IKBKE: variants seen among roughly 807,000 people sequenced by gnomAD.
IKBKE encodes the protein inhibitor of nuclear factor kappa B kinase subunit epsilon.
IKBKE carries 45 observed loss-of-function variants against 92.1 expected under a neutral mutation model. The observed-to-expected ratio is 0.49, with a 90% CI of 0.38 to 0.63. The LOEUF (loss-of-function observed/expected upper bound fraction) is 0.63, where lower values mean the gene tolerates loss of function less well. Ranked by LOEUF, IKBKE falls within the 20% of genes least tolerant of loss-of-function variation. The pLI, the probability that IKBKE is intolerant of heterozygous loss-of-function variation, is 0.00. For synonymous variants in IKBKE, 374 were observed against 380.3 expected, an observed-to-expected ratio of 0.98 and a Z score of 0.19; for missense variants, 700 against 932.8, an observed-to-expected ratio of 0.75 and a Z score of 3.25.
In IKBKE at chr1:206,473,203, G is replaced by T. The variant is rs781879352; in HGVS notation, c.-25G>T. 8 of 1,590,660 alleles carry T rather than the reference G, an allele frequency of 5.0e-6. No individual in the cohort carries two copies. The Admixed American group carries it at 8.5e-5, about 17-fold the overall frequency. On this transcript the variant is annotated 5_prime_UTR_variant, in exon 3 of 22. Transcript: ENST00000581977. ...AGCATGCTCTTTCTCTAGGCAGAAG[G>T]TGACCAGCCAGCTCAGGGCAGGAGA...
At chr1:206,492,938 T>G in intron 18 of IKBKE, 85 bp from the exon 19 acceptor site, 4 of 1,155,584 alleles carry the variant, frequency 3.5e-6, no homozygotes, top group Non-Finnish European at 5.1e-6. Flanking sequence ...CCTGTGTCCA[T>G]GTGTGGATCC....
Position 206,485,229 on chromosome 1 carries a change from C to T in IKBKE, c.1539C>T (p.Ile513=), listed in dbSNP as rs2103472359. The T allele has an allele frequency of 6.2e-7, 1 of 1,613,940 alleles. No individual in the cohort carries two copies. The highest frequency in any genetic ancestry group is 1.1e-5 in the South Asian group (1 of 91,072). The change falls in exon 15 of 22, where the codon ATC becomes ATT. Residue 513 remains isoleucine (I), a synonymous_variant. Coordinates refer to ENST00000581977, the MANE Select transcript of IKBKE (RefSeq NM_014002.4). The surrounding 1 kb of genome is among the most constrained non-coding windows in gnomAD (Gnocchi z 5.0). The part of the protein sequence containing the change: ...AEVLSRCSQN[I]TETQESLSSL... Reference sequence around the variant, plus strand: ...TCCTCTCCAGATGCTCCCAAAATATCACGGAGACCCAGGAGAGCCTGAGCA... The same window carrying T: ...TCCTCTCCAGATGCTCCCAAAATATTACGGAGACCCAGGAGAGCCTGAGCA...
chr1:206,492,546 T>C (rs782668998), intron 18 of IKBKE: 2 of 471,462 alleles, frequency 4.2e-6, no homozygotes, highest in African/African-American at 4.0e-5. Flanking sequence ...GTGATTCTAA[T>C]GTGTGGCGAG....
chr1:206,484,964 C>T, intron 13 of IKBKE, 33 bp from the exon 14 acceptor site: 6 of 1,589,792 alleles, frequency 3.8e-6, no homozygotes, highest in Non-Finnish European at 5.2e-6. Flanking sequence ...TCCTAAGCCC[C>T]CAAATGTGGC....
Position 206,480,445 on chromosome 1 carries a change from A to G in IKBKE, c.1341-2A>G. ...GCTCTGACTCAGTCTCCCCTTGGAC[A>G]GGGAGGTGCTCCAGGCCACATGCAG... On this transcript the variant is annotated splice_acceptor_variant, in intron 12 of 21. Coordinates refer to ENST00000581977, the MANE Select transcript of IKBKE (RefSeq NM_014002.4). LOFTEE classifies it high-confidence loss of function. The G allele has an allele frequency of 6.2e-7, 1 of 1,612,810 alleles. No homozygotes were observed. The highest frequency in any genetic ancestry group is 8.5e-7 in the Non-Finnish European group (1 of 1,178,998).
chr1:206,474,505 T>C (rs782205856), intron 4 of IKBKE, 34 bp downstream of exon 4: 2 of 1,588,256 alleles, frequency 1.3e-6, no homozygotes. Context: ...AATGGTCTTG[T>C]CCTTGACCCT....
At chr1:206,494,567 T>C (rs1666121689) in intron 21 of IKBKE, among the ~76,000 whole-genome samples, 1 of 151,230 alleles carries the variant, frequency 6.6e-6, no homozygotes, top group Admixed American at 6.6e-5. Flanking sequence ...GAGATTGAGA[T>C]TTTGCATACC....
chr1:206,493,307 A>T lies in IKBKE; in HGVS notation c.1974A>T (p.Ala658=). The change falls in exon 20 of 22, where the codon GCA becomes GCT. Residue 658 remains alanine, a synonymous_variant. Transcript: ENST00000581977. ...ELSHQLLQDR[A]KGAQASPPPI... ...CTCACCAGCTCCTTCAGGACCGAGC[A>T]AAGGGGGCTCAGGCCTCGCCGCCTC... 6.2e-7 allele frequency: 1 copy of T among 1,614,130 alleles called. No individual in the cohort carries two copies. The highest frequency in any genetic ancestry group is 1.1e-5 in the South Asian group (1 of 91,088).
chr1:206,490,693 C>T lies in IKBKE; in HGVS notation c.1694-126C>T, dbSNP rs1235484054. 9.8e-6 allele frequency: 9 copies of T among 916,448 alleles called. No homozygotes were observed. The highest frequency in any genetic ancestry group is 5.5e-5 in the Admixed American group (3 of 54,200). The allele number at this position is 916,448 out of a possible 1,614,324, so 56.8% of individuals were successfully genotyped here. A position where few individuals can be genotyped will look rare whatever the true frequency, so the allele number is the denominator to read the frequency against. On this transcript the variant is annotated intron_variant, in intron 16 of 21. Transcript: ENST00000581977. The surrounding 1 kb of genome is among the most constrained non-coding windows in gnomAD (Gnocchi z 5.2). ...CCTCTGCCCCTCCTGCTCCGCTGGG[C>T]GGTGAGTTCCCGTGAAGCAGCACAG...
chr1:206,487,841 C>A lies in IKBKE; in HGVS notation c.1617-73C>A. ...GGCTCCTCCCCTATTCCACTGCCAC[C>A]CTTCCCCTCCCTCCCTCTTTCCTCT... On this transcript the variant is annotated intron_variant, in intron 15 of 21. Transcript: ENST00000581977. This position sits in a 1 kb window ranked among gnomAD's most constrained non-coding sequence, Gnocchi z 5.3. 8.0e-7 allele frequency: 1 copy of A among 1,252,580 alleles called. No individual in the cohort carries two copies. The highest frequency in any genetic ancestry group is 1.1e-6 in the Non-Finnish European group (1 of 870,054). 77.6% of individuals were successfully genotyped at this position (1,252,580 alleles called of 1,614,324 possible).
chr1:206,491,889 C>A, intron 18 of IKBKE, 140 bp downstream of exon 18: 1 of 611,266 alleles, frequency 1.6e-6, no homozygotes, highest in Non-Finnish European at 2.9e-6. Flanking sequence ...GTTTTCTGTC[C>A]CTGGGTGGAC....
chr1:206,481,672 C>T (rs1282398319), intron 13 of IKBKE, among the ~76,000 whole-genome samples: 1 of 151,756 alleles, frequency 6.6e-6, no homozygotes, highest in African/African-American at 2.4e-5. Context: ...AGCAGCTAGC[C>T]CTTCCTGGAC....
Position 206,496,438 on chromosome 1 carries a change from GC to G in IKBKE, c.*296del. 2.2e-6 allele frequency: 1 copy of G among 447,454 alleles called. No individual in the cohort carries two copies. Among genetic ancestry groups the G allele is most frequent in the South Asian group, 3.2e-5 (1 of 31,230 alleles). The allele number at this position is 447,454 out of a possible 1,614,324, so 27.7% of individuals were successfully genotyped here. On this transcript the variant is annotated 3_prime_UTR_variant, in exon 22 of 22. Transcript: ENST00000581977. Reference sequence around the variant, plus strand: ...CTAGGCTCAGGTACTGCTCCTCCATGCCCATGGCTGGGCCGTGGGGAGAAGA... The same window carrying G: ...CTAGGCTCAGGTACTGCTCCTCCATGCCATGGCTGGGCCGTGGGGAGAAGA...
rs1665163901 is a variant in IKBKE, at chr1:206,478,004, G to C, written c.812+145G>C. 1 of 873,792 alleles carries C rather than the reference G, an allele frequency of 1.1e-6. No individual in the cohort carries two copies. Among genetic ancestry groups the C allele is most frequent in the African/African-American group, 1.7e-5 (1 of 59,716 alleles). The allele number at this position is 873,792 out of a possible 1,614,324, so 54.1% of individuals were successfully genotyped here. A position where few individuals can be genotyped will look rare whatever the true frequency, so the allele number is the denominator to read the frequency against. On this transcript the variant is annotated intron_variant, in intron 8 of 21. Transcript: ENST00000581977. This position sits in a 1 kb window ranked among gnomAD's most constrained non-coding sequence, Gnocchi z 4.8. ...ACACCACTTTCCCATCTGGTTGCTG[G>C]AACGAGTTCTTCCAGCTCTTCCTCC...
Position 206,474,975 on chromosome 1 carries a change from G to C in IKBKE, c.339G>C (p.Leu113=). The change falls in exon 5 of 22, where the codon CTG becomes CTC. Residue 113 remains leucine (L), a synonymous_variant. Coordinates refer to ENST00000581977, the MANE Select transcript of IKBKE (RefSeq NM_014002.4). ...TTGGGCTGCCTGAGGATGAGTTCCT[G>C]GTGGTGCTGCGCTGTGTGGGTGAGC... ...NAFGLPEDEF[L]VVLRCVVAGM... is the part of the protein sequence containing the mutation. 1.2e-6 allele frequency: 2 copies of C among 1,614,058 alleles called. No individual in the cohort carries two copies. Among genetic ancestry groups the C allele is most frequent in the South Asian group, 2.2e-5 (2 of 91,066 alleles).
chr1:206,485,073 G>A lies in IKBKE; in HGVS notation c.1503+1G>A. The A allele has an allele frequency of 6.2e-7, 1 of 1,613,500 alleles. No individual in the cohort carries two copies. The highest frequency in any genetic ancestry group is 2.2e-5 in the East Asian group (1 of 44,888). On this transcript the variant is annotated splice_donor_variant, in intron 14 of 21. Transcript: ENST00000581977. LOFTEE classifies it high-confidence loss of function. This position sits in a 1 kb window ranked among gnomAD's most constrained non-coding sequence, Gnocchi z 5.0. ...AGAACTGAGGTCCAGGCTGCGGACTGTGAGTGAGGCTGGAGGGCAAGGGCT... is the reference window on the plus strand; with the variant it reads ...AGAACTGAGGTCCAGGCTGCGGACTATGAGTGAGGCTGGAGGGCAAGGGCT...
chr1:206,471,216 T>G lies in IKBKE; in HGVS notation c.-62T>G, dbSNP rs1261621805. On this transcript the variant is annotated 5_prime_UTR_variant, in exon 2 of 22. Coordinates refer to ENST00000581977, the MANE Select transcript of IKBKE (RefSeq NM_014002.4). ...ACATACACTCGCCAGGAAGAGCCTT[T>G]GCCTGACTCAGGGCAGCTCAGAGTG... 2.0e-5 allele frequency: 3 copies of G among 151,376 alleles called. No homozygotes were observed. The highest frequency in any genetic ancestry group is 4.8e-5 in the African/African-American group (2 of 41,240). 9.4% of individuals were successfully genotyped at this position (151,376 alleles called of 1,614,324 possible).
chr1:206,475,045 G>C (rs1558473251), intron 5 of IKBKE, 51 bp downstream of exon 5: 1 of 1,595,588 alleles, frequency 6.3e-7, no homozygotes, highest in Middle Eastern at 2.0e-4. Context: ...GGCAGGCCTG[G>C]GACAGATGCT....
chr1:206,477,429 A>G (rs558294411), intron 7 of IKBKE, among the ~76,000 whole-genome samples: 1 of 152,194 alleles, frequency 6.6e-6, no homozygotes, highest in Non-Finnish European at 1.5e-5. Context: ...CTGAAGGGAA[A>G]GAAAGAGGAG....
Sources: allele counts gnomAD v4.1 joint callset (sites outside exome capture counted in the v4.1 genomes callset), GRCh38; gene constraint gnomAD v4.1.1; non-coding constraint Gnocchi (gnomAD v3.1); transcripts MANE v1.5; gene names NCBI Gene and HGNC (gene_info 2026-07-23, HGNC 2026-07-21).